EXOC7: variants seen among roughly 807,000 people sequenced by gnomAD.
EXOC7 encodes exocyst complex component Exo70.
In EXOC7, 51 loss-of-function variants were observed where a neutral mutation model predicts 87.6. The observed-to-expected ratio is 0.58, with a 90% confidence interval of 0.46 to 0.73. The LOEUF is 0.73. Ranked by LOEUF, EXOC7 falls within the 30% of genes least tolerant of loss-of-function variation. The pLI, the probability that EXOC7 is intolerant of heterozygous loss-of-function variation, is 0.00. For missense variants in EXOC7, 744 were observed against 888.4 expected (o/e 0.84, Z 2.07); for synonymous variants, 327 against 357.1 (o/e 0.92, Z 0.95).
chr17:76,098,002 C>A lies in EXOC7; in HGVS notation c.434G>T (p.Arg145Leu). 1 of 1,614,150 alleles carries A rather than the reference C, an allele frequency of 6.2e-7. No homozygotes were observed. Among genetic ancestry groups the A allele is most frequent in the South Asian group, 1.1e-5 (1 of 91,078 alleles). ...ELNKVKLLFE[R>L]GKEALESEFR... ...TTCGGACTCCAGGGCCTCCTTCCCG[C>A]GCTCAAAGAGCAGTTTCTGCACAGA... is the stretch of plus-strand genomic sequence containing the variant. The change falls in exon 5 of 19, where the codon CGC (arginine) becomes CTC (leucine). Residue 145 changes from arginine (R) to leucine (L), a missense_variant. Around this residue, in one of 3 missense-constraint regions of EXOC7, gnomAD observed 512 missense variants for 573.0 expected, o/e 0.89. Transcript: ENST00000589210.
Position 76,081,419 on chromosome 17 carries a change from G to A in EXOC7, c.*2229C>T. ...CAGGTGACGGTGAGTCAAGTCGGGA[G>A]GAGGCCGACAGAGGGCTGCTGGAGG... On this transcript the variant is annotated 3_prime_UTR_variant, in exon 19 of 19. Transcript: ENST00000589210. 6.2e-7 allele frequency: 1 copy of A among 1,613,896 alleles called. No individual in the cohort carries two copies. The highest frequency in any genetic ancestry group is 2.2e-5 in the East Asian group (1 of 44,884).
At chr17:76,099,243 C>T (rs933434152) in intron 4 of EXOC7, among the ~76,000 whole-genome samples, 6 of 152,184 alleles carry the variant, frequency 3.9e-5, no homozygotes, top group African/African-American at 9.6e-5. Flanking sequence ...CGGTGGCTTA[C>T]GCCTGTAATC....
chr17:76,085,253 A>G, intron 15 of EXOC7, 61 bp downstream of exon 15: 1 of 1,351,014 alleles, frequency 7.4e-7, no homozygotes, highest in Non-Finnish European at 1.0e-6. Context: ...AGGTGCTGAG[A>G]AGGAAGAGTG....
chr17:76,096,813 C>T (rs1456426806), intron 5 of EXOC7, among the ~76,000 whole-genome samples: 1 of 152,104 alleles, frequency 6.6e-6, no homozygotes, highest in Non-Finnish European at 1.5e-5. Context: ...ACCTTGGCCC[C>T]CCAAAGTGCT....
chr17:76,101,977 A>G, intron 2 of EXOC7, 114 bp from the exon 3 acceptor site: 2 of 797,684 alleles, frequency 2.5e-6, no homozygotes, highest in South Asian at 1.8e-5. Flanking sequence ...AATAAACTCC[A>G]CAAGCGAAGG....
chr17:76,088,663 C>T, intron 9 of EXOC7, 101 bp from the exon 10 acceptor site: 1 of 1,594,842 alleles, frequency 6.3e-7, no homozygotes, highest in Non-Finnish European at 8.6e-7. Flanking sequence ...ACCTTCAGAG[C>T]AGAAGTGTGG....
At chr17:76,093,618 T>G (rs2067603728) in intron 6 of EXOC7, 1 of 152,328 alleles carries the variant, frequency 6.6e-6, no homozygotes, top group African/African-American at 2.4e-5. Context: ...TTCTCCAGCT[T>G]TCTTTTTCAG....
chr17:76,097,939 G>C lies in EXOC7; in HGVS notation c.497C>G (p.Ser166Trp). Reference protein sequence around the residue: ...SLMTRHSKVVSPVLILDLISG... With the variant: ...SLMTRHSKVVWPVLILDLISG... ...GATCAGATCCAAGATGAGCACGGGCGAGACGACCTTACTGTGCCGCGTCAT... is the reference window on the plus strand; with the variant it reads ...GATCAGATCCAAGATGAGCACGGGCCAGACGACCTTACTGTGCCGCGTCAT... Residue 166 changes from serine to tryptophan, a missense_variant, in exon 5 of 19, where the codon TCG becomes TGG. Around this residue, in one of 3 missense-constraint regions of EXOC7, gnomAD observed 512 missense variants for 573.0 expected, o/e 0.89. Coordinates refer to ENST00000589210, the MANE Select transcript of EXOC7 (RefSeq NM_001013839.4). 1.2e-6 allele frequency: 2 copies of C among 1,614,058 alleles called. No individual in the cohort carries two copies. The highest frequency in any genetic ancestry group is 1.7e-6 in the Non-Finnish European group (2 of 1,180,006).
chr17:76,090,651 A>G lies in EXOC7; in HGVS notation c.901+492T>C, dbSNP rs1349244495. On this transcript the variant is annotated intron_variant, in intron 7 of 18. Transcript: ENST00000589210. ...CTCATTTCCCCGAGCCTGGAGGCCCAGGGAAAGCGGAGAAGGACCAAGGAG... is the reference window on the plus strand; with the variant it reads ...CTCATTTCCCCGAGCCTGGAGGCCCGGGGAAAGCGGAGAAGGACCAAGGAG... The G allele has an allele frequency of 9.3e-6, 6 of 648,322 alleles. No individual in the cohort carries two copies. In the East Asian group the frequency reaches 1.1e-4, roughly 12 times the overall value. 40.2% of individuals were successfully genotyped at this position (648,322 alleles called of 1,614,324 possible). A position where few individuals can be genotyped will look rare whatever the true frequency, so the allele number is the denominator to read the frequency against.
intron 7 of EXOC7, chr17:76,089,658 A>G (rs770613185): frequency 6.0e-6 from 2 of 334,118 alleles, no homozygotes; most frequent in Non-Finnish European, 1.1e-5. Flanking sequence ...CCCAGGACTG[A>G]GCATTCTGAG....
At chr17:76,086,773 G>A in intron 12 of EXOC7, 1 of 1,283,766 alleles carries the variant, frequency 7.8e-7, no homozygotes, top group Non-Finnish European at 1.1e-6. Flanking sequence ...TCCCCAGTAG[G>A]TACTGAGAGT....
chr17:76,097,577 G>A (rs746665316), intron 5 of EXOC7, among the ~76,000 whole-genome samples: 1 of 151,924 alleles, frequency 6.6e-6, no homozygotes, highest in Non-Finnish European at 1.5e-5. Flanking sequence ...GGTGGCATGC[G>A]CCAGTAATCC....
intron 4 of EXOC7, among the ~76,000 whole-genome samples, chr17:76,100,251 AGAT>A (rs1214245243): frequency 6.6e-6 from 1 of 152,174 alleles, no homozygotes; most frequent in Non-Finnish European, 1.5e-5. Context: ...CACTTGGAGA[AGAT>A]GAACATATTT....
chr17:76,082,371 C>A lies in EXOC7; in HGVS notation c.*1277G>T. The A allele has an allele frequency of 7.6e-7, 1 of 1,308,730 alleles. No homozygotes were observed. The highest frequency in any genetic ancestry group is 1.0e-6 in the Non-Finnish European group (1 of 952,864). The allele number at this position is 1,308,730 out of a possible 1,614,324, so 81.1% of individuals were successfully genotyped here. A position where few individuals can be genotyped will look rare whatever the true frequency, so the allele number is the denominator to read the frequency against. On this transcript the variant is annotated 3_prime_UTR_variant, in exon 19 of 19. Coordinates refer to ENST00000589210, the MANE Select transcript of EXOC7 (RefSeq NM_001013839.4). ...TCAGCTGAGAATCTAAGAAAGGAAG[C>A]GATACAGGCTGATGACCCCTGGGGT...
chr17:76,103,273 A>C, intron 2 of EXOC7, 88 bp downstream of exon 2: 1 of 1,258,670 alleles, frequency 7.9e-7, no homozygotes, highest in Non-Finnish European at 1.1e-6. Context: ...CCAGAACTCC[A>C]GGCCGCAGGA....
Position 76,103,702 on chromosome 17 carries a change from C to T in EXOC7, c.-10G>A. On this transcript the variant is annotated 5_prime_UTR_variant, in exon 1 of 19. Transcript: ENST00000589210. ...CCTGTGGGGGAATCATCGCTCTGAA[C>T]CCCGCGGCTCCCACTCCCCAGTATC... The T allele has an allele frequency of 6.2e-7, 1 of 1,601,646 alleles. No individual in the cohort carries two copies. The highest frequency in any genetic ancestry group is 8.5e-7 in the Non-Finnish European group (1 of 1,174,660).
chr17:76,094,243 G>C (rs1203555251), intron 6 of EXOC7, 171 bp downstream of exon 6: 5 of 624,180 alleles, frequency 8.0e-6, no homozygotes, highest in Admixed American at 6.7e-5. Flanking sequence ...CTCTTGGGGG[G>C]CTTCACTGGG....
In EXOC7 at chr17:76,090,415, G is replaced by A. The variant is rs375951003; in HGVS notation, c.901+728C>T. On this transcript the variant is annotated intron_variant, in intron 7 of 18. Transcript: ENST00000589210. ...CTCGTGACCTGGCGAGATGTCGGCC[G>A]CACAAACACAAGCAGCGTTTATCCA... is the stretch of plus-strand genomic sequence containing the variant. 232 of 1,551,550 alleles carry A rather than the reference G, an allele frequency of 1.5e-4. No homozygotes were observed. The highest frequency in any genetic ancestry group is 1.9e-4 in the Non-Finnish European group (221 of 1,146,994).
At chr17:76,088,636 C>A in intron 9 of EXOC7, 74 bp from the exon 10 acceptor site, 1 of 1,597,276 alleles carries the variant, frequency 6.3e-7, no homozygotes, top group South Asian at 1.1e-5. Context: ...AGGGCCCTTC[C>A]TAAGCTGCTT....
Sources: gnomAD v4.1 joint callset for allele counts (sites outside exome capture counted in the v4.1 genomes callset) on GRCh38, gnomAD v4.1.1 for gene constraint, gnomAD v4.1.1 regional missense constraint, MANE v1.5 for transcripts, NCBI Gene and HGNC (gene_info 2026-07-23, HGNC 2026-07-21) for gene names.